Variants in SELENOO observed in about 807,000 individuals in gnomAD.
The protein encoded by SELENOO is protein adenylyltransferase SelO, mitochondrial.
A neutral mutation model predicts 58.7 loss-of-function variants in SELENOO; 74 were observed. The observed-to-expected ratio is 1.26, with a 90% CI of 1.04 to 1.53. The LOEUF is 1.53. SELENOO is among the 40% of genes most tolerant of loss of function. SELENOO has a pLI of 0.00. For synonymous variants in SELENOO, 543 were observed against 453.2 expected, an observed-to-expected ratio of 1.20 and a Z score of -2.52; for missense variants, 1,149 against 970.0, an observed-to-expected ratio of 1.18 and a Z score of -2.45.
At chr22:50,206,781 C>T (rs1169072458) in intron 2 of SELENOO, among the ~76,000 whole-genome samples, 1 of 152,210 alleles carries the variant, frequency 6.6e-6, no homozygotes, top group African/African-American at 2.4e-5. Flanking sequence ...CGTGCCCGGC[C>T]AGGCCCTCGT....
chr22:50,216,130 G>A (rs961744105), intron 6 of SELENOO, among the ~76,000 whole-genome samples: 1 of 152,184 alleles, frequency 6.6e-6, no homozygotes, highest in African/African-American at 2.4e-5. Flanking sequence ...GAAAGCCTCT[G>A]GGTTTCTAGG....
chr22:50,217,053 C>G lies in SELENOO; in HGVS notation c.1770C>G (p.Asn590Lys). The G allele has an allele frequency of 1.2e-6, 2 of 1,612,698 alleles. No individual in the cohort carries two copies. The highest frequency in any genetic ancestry group is 1.7e-6 in the Non-Finnish European group (2 of 1,179,962). The part of the protein sequence containing the change: ...QAEHVRVMHA[N>K]NPKYVLRNYI... ...AGCACGTGCGCGTGATGCACGCCAACAACCCGAAGTACGTGCTGAGGAACT... is the reference window on the plus strand; with the variant it reads ...AGCACGTGCGCGTGATGCACGCCAAGAACCCGAAGTACGTGCTGAGGAACT... Residue 590 changes from asparagine (N) to lysine (K), a missense_variant, in exon 8 of 9, where the codon AAC becomes AAG. Transcript: ENST00000380903.
chr22:50,216,698 T>A lies in SELENOO; in HGVS notation c.1510T>A (p.Ser504Thr). The A allele has an allele frequency of 6.3e-7, 1 of 1,591,002 alleles. No individual in the cohort carries two copies. The highest frequency in any genetic ancestry group is 8.5e-7 in the Non-Finnish European group (1 of 1,172,370). The stretch of plus-strand genomic sequence containing the variant: ...ACCCTGGCCTCTCCACAGGCAGCTA[T>A]CCATGATGCTGATGCTGGCGCAGTC... ...FRPQMDPRQL[S>T]MMLMLAQSNP... Residue 504 changes from serine to threonine, a missense_variant, in exon 7 of 9, where the codon TCC (serine) becomes ACC (threonine). Transcript: ENST00000380903.
chr22:50,215,286 T>G (rs1219513569), intron 5 of SELENOO, among the ~76,000 whole-genome samples: 1 of 152,028 alleles, frequency 6.6e-6, no homozygotes, highest in Non-Finnish European at 1.5e-5. Context: ...CTTCTCAGTA[T>G]TAGGCCACTT....
At chr22:50,216,620 G>C in intron 6 of SELENOO, 71 bp from the exon 7 acceptor site, 1 of 1,413,414 alleles carries the variant, frequency 7.1e-7, no homozygotes, top group Non-Finnish European at 9.6e-7. Context: ...GGCTGGGGCA[G>C]GCGGAGCAGC....
At chr22:50,206,661 C>G in intron 2 of SELENOO, 141 bp downstream of exon 2, 1 of 750,544 alleles carries the variant, frequency 1.3e-6, no homozygotes, top group Non-Finnish European at 2.1e-6. Context: ...CTGTCCCTGG[C>G]AGCCTCAGAA....
At chr22:50,207,215 C>T (rs573228443) in intron 2 of SELENOO, among the ~76,000 whole-genome samples, 47 of 152,078 alleles carry the variant, frequency 3.1e-4, no homozygotes, top group Admixed American at 5.2e-4. Context: ...CTCCGCCTCC[C>T]GGGTTCAAGC....
Position 50,201,527 on chromosome 22 carries a change from G to A in SELENOO, c.491G>A (p.Cys164Tyr), listed in dbSNP as rs1175653064. Reference protein sequence around the residue: ...DGAAMYLGEVCTATGERWELQ... With the variant: ...DGAAMYLGEVYTATGERWELQ... ...GCCGCCATGTACCTGGGCGAGGTGT[G>A]CACGGCGACCGGCGAGCGCTGGGAG... The change falls in exon 1 of 9, where the codon TGC becomes TAC. Residue 164 changes from cysteine to tyrosine, a missense_variant. Transcript: ENST00000380903. 1.4e-6 allele frequency: 2 copies of A among 1,419,780 alleles called. No homozygotes were observed. Among genetic ancestry groups the A allele is most frequent in the Non-Finnish European group, 1.8e-6 (2 of 1,085,526 alleles). The allele number at this position is 1,419,780 out of a possible 1,614,324, so 87.9% of individuals were successfully genotyped here. A position where few individuals can be genotyped will look rare whatever the true frequency, so the allele number is the denominator to read the frequency against.
At chr22:50,208,797 C>G (rs577826818) in intron 3 of SELENOO, 81 bp downstream of exon 3, 3 of 1,403,532 alleles carry the variant, frequency 2.1e-6, no homozygotes, top group East Asian at 2.3e-5. Flanking sequence ...TCATTTTGGC[C>G]GGGGGACAAA....
chr22:50,206,647 C>T, intron 2 of SELENOO, 127 bp downstream of exon 2: 1 of 819,194 alleles, frequency 1.2e-6, no homozygotes, highest in Non-Finnish European at 1.9e-6. Context: ...TCTGAAAGTC[C>T]AGCCTGTCCC....
Position 50,216,750 on chromosome 22 carries a change from G to T in SELENOO, c.1562G>T (p.Gly521Val). ...AACCCGCAGCTGTTCGCGCTTATGG[G>T]CACCCGGGCAGGCATCGCCAGGGAG... The part of the protein sequence containing the change: ...QSNPQLFALM[G>V]TRAGIARELE... The change falls in exon 7 of 9, where the codon GGC becomes GTC. Residue 521 changes from glycine to valine, a missense_variant. Physicochemically the swap from Gly to Val is moderately radical, Grantham distance 109. Coordinates refer to ENST00000380903, the MANE Select transcript of SELENOO (RefSeq NM_031454.2). The T allele has an allele frequency of 6.2e-7, 1 of 1,607,304 alleles. No homozygotes were observed.
Position 50,215,724 on chromosome 22 carries a change from C to T in SELENOO, c.1359C>T (p.Asp453=), listed in dbSNP as rs201303574. 4 of 1,592,268 alleles carry T rather than the reference C, an allele frequency of 2.5e-6. No homozygotes were observed. The African/African-American group carries it at 4.0e-5, about 16-fold the overall frequency. Residue 453 remains aspartate (D), a synonymous_variant, in exon 6 of 9, where the codon GAC becomes GAT. Transcript: ENST00000380903. The stretch of plus-strand genomic sequence containing the variant: ...GAGCAGCCTGTGTTCCAGGTGCCGA[C>T]TTCACAAACACCTTCTACTTGCTGA... ...LLETMHLTGA[D]FTNTFYLLSS...
chr22:50,213,292 C>G (rs1046805125), intron 5 of SELENOO, among the ~76,000 whole-genome samples: 9 of 152,142 alleles, frequency 5.9e-5, no homozygotes, highest in Non-Finnish European at 4.4e-5. Flanking sequence ...AACACCTGAT[C>G]GCAAGTGATC....
rs929547080 is a variant in SELENOO at position 50,216,792 on chromosome 22, A to G, written c.1604A>G (p.Gln535Arg). ...GCCAGGGAGCTGGAGCGTGTGGAGC[A>G]GCAGTCTCGGCTGGAGCAGCTGAGT... ...GIARELERVEQQSRLEQLSAA... is the reference protein window; with the variant it reads ...GIARELERVERQSRLEQLSAA... Residue 535 changes from glutamine to arginine, a missense_variant, in exon 7 of 9, where the codon CAG becomes CGG. By Grantham distance (43) the Gln-to-Arg change is conservative (BLOSUM62 1). Transcript: ENST00000380903. The G allele has an allele frequency of 3.1e-6, 5 of 1,609,252 alleles. No individual in the cohort carries two copies. In the African/African-American group the frequency reaches 5.3e-5, roughly 17 times the overall value.
At chr22:50,207,518 G>A (rs1434539037) in intron 2 of SELENOO, among the ~76,000 whole-genome samples, 3 of 151,870 alleles carry the variant, frequency 2.0e-5, no homozygotes, top group South Asian at 2.1e-4. Flanking sequence ...TTGCAGCCCC[G>A]TCCTGCCCGG....
At chr22:50,209,791 T>C (rs183275329) in intron 3 of SELENOO, among the ~76,000 whole-genome samples, 1 of 150,986 alleles carries the variant, frequency 6.6e-6, no homozygotes, top group East Asian at 1.9e-4. Flanking sequence ...TGCTGTCTGG[T>C]TGGGGGGGGC....
At chr22:50,213,792 C>T (rs1235213318) in intron 5 of SELENOO, among the ~76,000 whole-genome samples, 6 of 141,628 alleles carry the variant, frequency 4.2e-5, no homozygotes, top group East Asian at 4.2e-4. Context: ...GGACTACAGG[C>T]GCCTGCCACC....
In SELENOO at chr22:50,210,773, A is replaced by T; in HGVS notation, c.1213A>T (p.Ile405Phe). The T allele has an allele frequency of 3.1e-6, 5 of 1,613,840 alleles. No individual in the cohort carries two copies. Among genetic ancestry groups the T allele is most frequent in the Non-Finnish European group, 4.2e-6 (5 of 1,180,018 alleles). Residue 405 changes from isoleucine (I) to phenylalanine (F), a missense_variant, in exon 5 of 9, where the codon ATC becomes TTC. By Grantham distance (21) the Ile-to-Phe change is conservative. Coordinates refer to ENST00000380903, the MANE Select transcript of SELENOO (RefSeq NM_031454.2). ...ACTGCCCCTGGAGCTGGGGGAGGCC[A>T]TCCTGGCCGAGGAGTTTGACGCCGA... Reference protein sequence around the residue: ...PELPLELGEAILAEEFDAEFQ... With the variant: ...PELPLELGEAFLAEEFDAEFQ...
intron 5 of SELENOO, among the ~76,000 whole-genome samples, chr22:50,212,543 C>T (rs572723053): frequency 1.3e-5 from 2 of 152,340 alleles, no homozygotes; most frequent in African/African-American, 2.4e-5. Flanking sequence ...CAGTGCTGTA[C>T]AGCCGAGCCC....
Sources: gnomAD v4.1 joint callset for allele counts (sites outside exome capture counted in the v4.1 genomes callset) on GRCh38, gnomAD v4.1.1 for gene constraint, MANE v1.5 for transcripts, NCBI Gene and HGNC (gene_info 2026-07-23, HGNC 2026-07-21) for gene names.